Variants in DTNA observed in about 807,000 individuals in gnomAD.
DTNA encodes dystrophin-related protein 3.
A neutral mutation model predicts 100.7 loss-of-function variants in DTNA; 43 were observed. The observed-to-expected ratio is 0.43, with a 90% CI of 0.33 to 0.55. The LOEUF (loss-of-function observed/expected upper bound fraction) is 0.55, where lower values mean the gene tolerates loss of function less well. DTNA is among the 20% of genes least tolerant of loss of function. DTNA has a pLI of 0.04. For synonymous variants in DTNA, 349 were observed against 347.9 expected (o/e 1.00, Z -0.04); for missense variants, 798 against 953.9 (o/e 0.84, Z 2.15).
chr18:34,733,720 G>A (rs1391784416), intron 1 of DTNA, among the ~76,000 whole-genome samples: 1 of 152,152 alleles, frequency 6.6e-6, no homozygotes, highest in Non-Finnish European at 1.5e-5. Flanking sequence ...GCTGTGATGA[G>A]TAGGTCTAAA....
chr18:34,725,946 C>T (rs542355589), intron 1 of DTNA, among the ~76,000 whole-genome samples: 17 of 152,164 alleles, frequency 1.1e-4, no homozygotes, highest in Admixed American at 5.9e-4. Flanking sequence ...ATATCCTTTT[C>T]GGGGACATGT....
Position 34,713,796 on chromosome 18 carries a change from T to C in DTNA, c.-2+3351T>C, listed in dbSNP as rs535454587. ...AATGTTTGTATCCTCTTTTATTTCC[T>C]TGAGCAGTGGTTTGTAGTTCTCCTT... On this transcript the variant is annotated intron_variant, in intron 1 of 22. Coordinates refer to ENST00000444659, the MANE Select transcript of DTNA (RefSeq NM_001386795.1). 9.9e-5 allele frequency among the ~76,000 whole-genome samples: 15 copies of C among 152,164 alleles called. No homozygotes were observed. In the South Asian group the frequency reaches 2.3e-3, roughly 23 times the overall value.
At chr18:34,588,238 T>A (rs2049337215) in intron 1 of DTNA, among the ~76,000 whole-genome samples, 1 of 152,236 alleles carries the variant, frequency 6.6e-6, no homozygotes, top group South Asian at 2.1e-4. Context: ...GTAAAACCTC[T>A]CTTAAGTGTT....
intron 1 of DTNA, among the ~76,000 whole-genome samples, chr18:34,509,592 A>G (rs2040832347): frequency 6.6e-6 from 1 of 152,160 alleles, no homozygotes; most frequent in African/African-American, 2.4e-5. Context: ...GAAGTGATAT[A>G]TGAGTCAGAT....
chr18:34,788,034 G>A (rs2094569216), intron 3 of DTNA, among the ~76,000 whole-genome samples: 2 of 152,296 alleles, frequency 1.3e-5, no homozygotes, highest in Admixed American at 6.5e-5. Context: ...ATATGCAACT[G>A]TATAGATGAG....
chr18:34,548,899 G>A (rs1428129771), intron 1 of DTNA, among the ~76,000 whole-genome samples: 3 of 152,108 alleles, frequency 2.0e-5, no homozygotes, highest in African/African-American at 4.8e-5. Flanking sequence ...GAAACAGGAA[G>A]CAAGTCTGTG....
chr18:34,791,187 C>T (rs138302694), intron 3 of DTNA, among the ~76,000 whole-genome samples: 7 of 152,262 alleles, frequency 4.6e-5, no homozygotes, highest in African/African-American at 9.6e-5. Context: ...TACAATGGCT[C>T]GTCAAGAGAA....
Position 34,668,081 on chromosome 18 carries a change from T to A in DTNA, c.-1-87895T>A, listed in dbSNP as rs986784009. 3.3e-5 allele frequency among the ~76,000 whole-genome samples: 5 copies of A among 152,322 alleles called. 1 individual carries two copies. The highest frequency in any genetic ancestry group is 4.1e-4 in the South Asian group (2 of 4,828). ...GGACTTTTTTTGGTTGGTAAGCTAT[T>A]AATTATTGCCTCAATTTCAGAGCCT... On this transcript the variant is annotated intron_variant, in intron 1 of 19. Coordinates refer to the DTNA transcript ENST00000283365.
chr18:34,705,120 A>G (rs1194296885), intron 1 of DTNA, among the ~76,000 whole-genome samples: 1 of 152,132 alleles, frequency 6.6e-6, no homozygotes, highest in Non-Finnish European at 1.5e-5. Flanking sequence ...TTTTATATCA[A>G]TCTCAGCTCA....
intron 1 of DTNA, among the ~76,000 whole-genome samples, chr18:34,695,885 G>A (rs973104445): frequency 2.6e-5 from 4 of 151,962 alleles, no homozygotes; most frequent in Non-Finnish European, 4.4e-5. Context: ...TTTTTTTTTA[G>A]CATTTACCCA....
chr18:34,575,230 C>T (rs2048001121), intron 1 of DTNA, among the ~76,000 whole-genome samples: 1 of 152,306 alleles, frequency 6.6e-6, no homozygotes, highest in South Asian at 2.1e-4. Context: ...TTTTCTGATA[C>T]ACTCTTGCTT....
intron 1 of DTNA, among the ~76,000 whole-genome samples, chr18:34,512,910 A>G (rs1247737387): frequency 6.6e-6 from 1 of 152,108 alleles, no homozygotes; most frequent in East Asian, 1.9e-4. Context: ...GTGGAATACA[A>G]ATTAGCAAAC....
intron 1 of DTNA, among the ~76,000 whole-genome samples, chr18:34,603,403 CT>C (rs150753933): frequency 6.6e-6 from 1 of 150,884 alleles, no homozygotes; most frequent in Admixed American, 6.6e-5. Context: ...TTTTCATTCT[CT>C]TTTTTTTTAG....
Position 34,888,080 on chromosome 18 carries a change from A to G in DTNA, c.*346A>G. The stretch of plus-strand genomic sequence containing the variant: ...TGGTTCATCCCTGGTTAAAAAGCAA[A>G]CAAACACAGGCTGAAAACCCATGCT... On this transcript the variant is annotated 3_prime_UTR_variant, in exon 23 of 23. Transcript: ENST00000444659. 10 of 985,892 alleles carry G rather than the reference A, an allele frequency of 1.0e-5. No homozygotes were observed. Among genetic ancestry groups the G allele is most frequent in the Non-Finnish European group, 1.1e-5 (9 of 829,946 alleles). 61.1% of individuals were successfully genotyped at this position (985,892 alleles called of 1,614,324 possible).
intron 1 of DTNA, among the ~76,000 whole-genome samples, chr18:34,536,020 T>G (rs2043672616): frequency 6.6e-6 from 1 of 152,048 alleles, no homozygotes; most frequent in Non-Finnish European, 1.5e-5. Flanking sequence ...TTCCTAAGAA[T>G]TTATAAATAC....
intron 1 of DTNA, among the ~76,000 whole-genome samples, chr18:34,660,280 G>C (rs1018434744): frequency 6.6e-6 from 1 of 151,936 alleles, no homozygotes; most frequent in Middle Eastern, 3.2e-3. Context: ...AGTTCAGGCC[G>C]TGAGAGGAAG....
chr18:34,648,177 G>A (rs2060064432), intron 1 of DTNA, among the ~76,000 whole-genome samples: 1 of 152,174 alleles, frequency 6.6e-6, no homozygotes, highest in South Asian at 2.1e-4. Flanking sequence ...AGACCCCAGA[G>A]GGTCTGAGTG....
rs1487700841 is a variant in DTNA, at chr18:34,556,293, C to T, written c.-2+62779C>T. On this transcript the variant is annotated intron_variant, in intron 1 of 19. Coordinates refer to the DTNA transcript ENST00000283365. ...GCACGTGAGATGGGTTTCCTGAATA[C>T]AGCACACTGATGGGTCTTGACTCTT... Among the ~76,000 whole-genome samples, 4 of 152,114 alleles carry T rather than the reference C, an allele frequency of 2.6e-5. No homozygotes were observed. The East Asian group carries it at 7.7e-4, about 29-fold the overall frequency.
At chr18:34,879,518 G>A (rs2096851820) in intron 19 of DTNA, 33 bp from the exon 20 acceptor site, 2 of 1,612,322 alleles carry the variant, frequency 1.2e-6, no homozygotes, top group Non-Finnish European at 1.7e-6. Context: ...AATCTAACGA[G>A]TCATTCTTTA....
Sources: allele counts gnomAD v4.1 joint callset (sites outside exome capture counted in the v4.1 genomes callset), GRCh38; gene constraint gnomAD v4.1.1; transcripts MANE v1.5; gene names NCBI Gene and HGNC (gene_info 2026-07-23, HGNC 2026-07-21).